Variants in MTCL1 observed in about 807,000 individuals in gnomAD.
MTCL1 encodes the protein microtubule cross-linking factor 1.
Under a neutral mutation model 141.4 loss-of-function variants are expected in MTCL1, and 79 were observed. The observed-to-expected ratio is 0.56, with a 90% confidence interval of 0.47 to 0.67. MTCL1 has a LOEUF of 0.67. Among genes scored for constraint, MTCL1 ranks in the 30% least tolerant of loss-of-function variants. The pLI, the probability that MTCL1 is intolerant of heterozygous loss-of-function variation, is 0.00. For missense variants in MTCL1, 2,177 were observed against 2,113.9 expected, an observed-to-expected ratio of 1.03 and a Z score of -0.59; for synonymous variants, 914 against 875.8, an observed-to-expected ratio of 1.04 and a Z score of -0.77.
chr18:8,823,433 G>A (rs141683416), intron 14 of MTCL1, among the ~76,000 whole-genome samples: 3 of 152,252 alleles, frequency 2.0e-5, no homozygotes, highest in African/African-American at 4.8e-5. Context: ...GCATGTGTCC[G>A]GCACTTACAG....
intron 4 of MTCL1, among the ~76,000 whole-genome samples, chr18:8,729,141 C>G (rs879852139): frequency 3.9e-5 from 6 of 152,058 alleles, no homozygotes; most frequent in African/African-American, 1.4e-4. Context: ...CCTCCTTGGG[C>G]TCAAGCAGTC....
At chr18:8,809,486 G>C (rs2076407580) in intron 11 of MTCL1, 1 of 1,535,888 alleles carries the variant, frequency 6.5e-7, no homozygotes, top group Non-Finnish European at 8.7e-7. Flanking sequence ...TTGAGGAGGA[G>C]ACTTTAGGCT....
intron 5 of MTCL1, among the ~76,000 whole-genome samples, chr18:8,781,179 C>CAA (rs56370900): frequency 3.1e-4 from 21 of 67,380 alleles, no homozygotes; most frequent in East Asian, 6.2e-4. Flanking sequence ...GACTCCATCT[C>CAA]AAAAAAAAAA....
chr18:8,789,075 A>G (rs2075626506), intron 7 of MTCL1, among the ~76,000 whole-genome samples: 1 of 152,232 alleles, frequency 6.6e-6, no homozygotes, highest in Admixed American at 6.5e-5. Flanking sequence ...GTCAGATTTC[A>G]GGTATAAAGG....
upstream of MTCL1, among the ~76,000 whole-genome samples, chr18:8,714,806 T>C (rs1040606416): frequency 6.6e-6 from 1 of 150,492 alleles, no homozygotes. Flanking sequence ...TCTTTTCTCT[T>C]TTTTTTTTGA....
At chr18:8,813,016 G>T (rs2076536761) in exon 12 of MTCL1, 13 of 1,614,068 alleles carry the variant, frequency 8.1e-6, no homozygotes, top group Non-Finnish European at 1.0e-5. Context: ...GGAGAACTAG[G>T]CTCCTCCGCT....
At chr18:8,829,173 C>T (rs2077120401) in intron 16 of MTCL1, 23 of 985,474 alleles carry the variant, frequency 2.3e-5, no homozygotes, top group Non-Finnish European at 2.8e-5. Context: ...CCACTCAATG[C>T]AAAGAAGGGT....
intron 12 of MTCL1, among the ~76,000 whole-genome samples, chr18:8,813,539 A>G (rs1022159538): frequency 6.6e-6 from 1 of 152,250 alleles, no homozygotes; most frequent in Admixed American, 6.5e-5. Flanking sequence ...GAATTTAAAG[A>G]CTAAACTGGA....
At chr18:8,771,014 G>A (rs2096483126) in intron 4 of MTCL1, among the ~76,000 whole-genome samples, 1 of 152,156 alleles carries the variant, frequency 6.6e-6, no homozygotes, top group South Asian at 2.1e-4. Context: ...AGGGATGAGT[G>A]AACAGGAGGA....
At chr18:8,714,349 C>A (rs569721134), upstream of MTCL1, among the ~76,000 whole-genome samples, 4 of 152,108 alleles carry the variant, frequency 2.6e-5, no homozygotes, top group African/African-American at 9.7e-5. Context: ...GCTTAATAAA[C>A]GACGCCTGTT....
chr18:8,772,959 T>A (rs1434348804), intron 4 of MTCL1, among the ~76,000 whole-genome samples: 1 of 152,184 alleles, frequency 6.6e-6, no homozygotes, highest in East Asian at 1.9e-4. Context: ...CTGTATGAGA[T>A]GATGGTTATG....
intron 9 of MTCL1, among the ~76,000 whole-genome samples, chr18:8,797,494 C>T (rs1261800671): frequency 2.6e-5 from 4 of 152,360 alleles, no homozygotes; most frequent in South Asian, 4.1e-4. Context: ...GCTGGCGCCA[C>T]TGGCGTTCTG....
At chr18:8,815,969 A>G (rs529503682) in intron 12 of MTCL1, among the ~76,000 whole-genome samples, 4 of 152,344 alleles carry the variant, frequency 2.6e-5, no homozygotes, top group Admixed American at 1.3e-4. Flanking sequence ...CAGACATGCA[A>G]TGGTGGCTTT....
intron 4 of MTCL1, among the ~76,000 whole-genome samples, chr18:8,734,867 T>C (rs1001250676): frequency 2.6e-5 from 4 of 152,192 alleles, no homozygotes; most frequent in Non-Finnish European, 5.9e-5. Context: ...AGAACTTCCC[T>C]GGTGGTTTCA....
intron 11 of MTCL1, among the ~76,000 whole-genome samples, chr18:8,808,550 A>G (rs1368148945): frequency 2.0e-5 from 3 of 152,208 alleles, no homozygotes; most frequent in Non-Finnish European, 4.4e-5. Context: ...TTCTGCCCAA[A>G]TCATTTAGGA....
At chr18:8,782,304 T>C (rs559008143) in intron 5 of MTCL1, 1 of 152,338 alleles carries the variant, frequency 6.6e-6, no homozygotes, top group African/African-American at 2.4e-5. Context: ...TTGTTGACAG[T>C]TTCTCTGTGT....
At chr18:8,797,480 C>T (rs1209431128) in intron 9 of MTCL1, among the ~76,000 whole-genome samples, 2 of 152,200 alleles carry the variant, frequency 1.3e-5, no homozygotes, top group African/African-American at 4.8e-5. Flanking sequence ...CTGGCACACC[C>T]GGGGCTGGCG....
chr18:8,706,824 G>A, intron 1 of MTCL1, 111 bp downstream of exon 1: 1 of 1,472,316 alleles, frequency 6.8e-7, no homozygotes, highest in Admixed American at 2.3e-5. Context: ...TCTCCCTCCT[G>A]CTCTCCACGG....
At chr18:8,824,320 G>A (rs9959815) in intron 14 of MTCL1, among the ~76,000 whole-genome samples, 3,839 of 152,284 alleles carry the variant, frequency 0.025, 113 homozygotes, top group East Asian at 0.079. Context: ...CCTGGCCATC[G>A]CCGTGGCTCA....
Sources: allele counts gnomAD v4.1 joint callset (sites outside exome capture counted in the v4.1 genomes callset), GRCh38; gene constraint gnomAD v4.1.1; transcripts MANE v1.5; gene names NCBI Gene and HGNC (gene_info 2026-07-23, HGNC 2026-07-21).